Variants in LIPJ observed in about 807,000 individuals in gnomAD.
LIPJ encodes the protein lipase family member J, also known as lipase member J.
A neutral mutation model predicts 39.8 loss-of-function variants in LIPJ; 33 were observed. That is an observed-to-expected ratio of 0.83 (90% CI 0.63 to 1.11). The LOEUF (loss-of-function observed/expected upper bound fraction) is 1.11. Ranked by LOEUF, LIPJ falls within the 50% of genes least tolerant of loss-of-function variation. LIPJ has a pLI of 0.00. For missense variants in LIPJ, 422 were observed against 427.9 expected (o/e 0.99, Z 0.12); for synonymous variants, 128 against 139.2 (o/e 0.92, Z 0.57).
exon 9 of LIPJ, chr10:88,602,618 T>C (rs752027793): frequency 8.5e-7 from 1 of 1,181,736 alleles, no homozygotes; most frequent in South Asian, 1.2e-5. Context: ...AGCAGGAACA[T>C]CTGTTCAAAA....
the LIPJ span, among the ~76,000 whole-genome samples, chr10:88,622,519 A>G: frequency 6.6e-6 from 1 of 152,198 alleles, no homozygotes; most frequent in African/African-American, 2.4e-5. Flanking sequence ...TAACTAATTC[A>G]GTAGATCTCA....
rs181139707 is a variant in LIPJ at position 88,606,941 on chromosome 10, T to A, written c.*34T>A. The A allele has an allele frequency of 3.1e-4, 442 of 1,416,914 alleles. 3 individuals carry two copies. The African/African-American group carries it at 5.1e-3, about 16-fold the overall frequency. 87.8% of individuals were successfully genotyped at this position (1,416,914 alleles called of 1,614,324 possible). On this transcript the variant is annotated 3_prime_UTR_variant, in exon 11 of 11. Transcript: ENST00000371939. Reference sequence around the variant, plus strand: ...GGCGCTGTGTGTTTAAAGATCTACATCATTCCTAATGAAATCCAATTCTTA... The same window carrying A: ...GGCGCTGTGTGTTTAAAGATCTACAACATTCCTAATGAAATCCAATTCTTA...
upstream of LIPJ, chr10:88,583,090 TC>T (rs777801840): frequency 2.5e-6 from 4 of 1,613,900 alleles, no homozygotes; most frequent in Admixed American, 6.7e-5. Context: ...CTCAGCCTTG[TC>T]CCACACAGCA....
chr10:88,602,547 A>G (rs1851526648), intron 8 of LIPJ, 29 bp from the exon 9 acceptor site: 2 of 1,407,124 alleles, frequency 1.4e-6, no homozygotes, highest in Non-Finnish European at 1.9e-6. Context: ...TTATATAAAA[A>G]TGCTTTTTTT....
intron 9 of LIPJ, among the ~76,000 whole-genome samples, chr10:88,603,426 A>G (rs1250369880): frequency 6.6e-6 from 1 of 152,206 alleles, no homozygotes; most frequent in East Asian, 1.9e-4. Context: ...TTCTTAGCAT[A>G]TAGTAGATAC....
chr10:88,609,898 CAAAA>C (rs11305444), downstream of LIPJ, among the ~76,000 whole-genome samples: 6 of 84,552 alleles, frequency 7.1e-5, no homozygotes, highest in Non-Finnish European at 6.9e-5. Flanking sequence ...GACTCTGTCT[CAAAA>C]AAAAAAAAAA....
At chr10:88,608,810 A>G (rs1440695905), downstream of LIPJ, among the ~76,000 whole-genome samples, 7 of 152,078 alleles carry the variant, frequency 4.6e-5, no homozygotes, top group Non-Finnish European at 1.0e-4. Context: ...AATCAAATGG[A>G]AAAAAAACTC....
the LIPJ span, chr10:88,618,345 T>C: frequency 6.6e-6 from 1 of 152,360 alleles, no homozygotes; most frequent in African/African-American, 2.4e-5. Context: ...AGAAGTTATT[T>C]GCTTCTTTGA....
intron 8 of LIPJ, among the ~76,000 whole-genome samples, chr10:88,599,682 C>CAT (rs142348811): frequency 0.18 from 27,181 of 150,134 alleles, 2,779 homozygotes; most frequent in East Asian, 0.39. Context: ...TATATACATA[C>CAT]ATATATACAC....
chr10:88,616,429 G>T, the LIPJ span, among the ~76,000 whole-genome samples: 1 of 152,206 alleles, frequency 6.6e-6, no homozygotes, highest in Non-Finnish European at 1.5e-5. Flanking sequence ...TAGGAAGCAG[G>T]CTCAAAGCAT....
the LIPJ span, among the ~76,000 whole-genome samples, chr10:88,619,457 A>ACACACACACACACACACACACACG: frequency 1.3e-5 from 2 of 151,810 alleles, no homozygotes; most frequent in African/African-American, 4.8e-5. Flanking sequence ...CTCTTGCCAC[A>ACACACACACACACACACACACACG]CACACACACA....
downstream of LIPJ, among the ~76,000 whole-genome samples, chr10:88,608,185 G>C (rs541466460): frequency 2.5e-4 from 38 of 152,284 alleles, no homozygotes; most frequent in African/African-American, 7.5e-4. Flanking sequence ...CCTCAAAGTG[G>C]AACTGAGAAG....
chr10:88,594,118 G>A lies in LIPJ; in HGVS notation c.303G>A (p.Thr101=), dbSNP rs116125410. 56 of 1,610,730 alleles carry A rather than the reference G, an allele frequency of 3.5e-5. No homozygotes were observed. The East Asian group carries it at 1.1e-3, about 31-fold the overall frequency. ...CCAGGAAACACTTGTACCTAGAAAC[G>A]AGTTCCAAAGAATTCTGGGCTTTCA... Residue 101 remains threonine (T), a synonymous_variant, in exon 5 of 11, where the codon ACG becomes ACA. Transcript: ENST00000371939.
At chr10:88,616,362 C>A in the LIPJ span, among the ~76,000 whole-genome samples, 2 of 152,192 alleles carry the variant, frequency 1.3e-5, no homozygotes, top group African/African-American at 4.8e-5. Flanking sequence ...AAGTCCCTGG[C>A]CTGCGTCAGG....
intron 8 of LIPJ, 104 bp downstream of exon 8, chr10:88,597,040 C>A: frequency 1.6e-6 from 1 of 637,776 alleles, no homozygotes; most frequent in South Asian, 2.4e-5. Context: ...GTTTCATCCA[C>A]ATACACTAGT....
At chr10:88,583,030 C>T (rs1850738158), upstream of LIPJ, 2 of 1,594,976 alleles carry the variant, frequency 1.3e-6, no homozygotes, top group African/African-American at 1.4e-5. Context: ...GCAGCCTGCC[C>T]GGCAGTCCTC....
intron 8 of LIPJ, among the ~76,000 whole-genome samples, chr10:88,602,233 T>G (rs1205959470): frequency 6.6e-6 from 1 of 152,176 alleles, no homozygotes; most frequent in Admixed American, 6.5e-5. Context: ...TCTCCTCAAT[T>G]TATTTTTGTA....
At chr10:88,596,817 C>T (rs1461465643) in exon 8 of LIPJ, 1 of 1,602,570 alleles carries the variant, frequency 6.2e-7, no homozygotes, top group Non-Finnish European at 8.5e-7. Context: ...AGACTTCTTG[C>T]CTAAAACCTC....
intron 8 of LIPJ, among the ~76,000 whole-genome samples, chr10:88,598,390 T>C (rs1851333356): frequency 1.3e-5 from 2 of 151,916 alleles, no homozygotes; most frequent in South Asian, 4.1e-4. Context: ...AAAAAACAGA[T>C]GATAAAAATG....
Sources: allele counts gnomAD v4.1 joint callset (sites outside exome capture counted in the v4.1 genomes callset), GRCh38; gene constraint gnomAD v4.1.1; transcripts MANE v1.5; gene names NCBI Gene and HGNC (gene_info 2026-07-23, HGNC 2026-07-21).